CPA3: variants seen among roughly 807,000 people sequenced by gnomAD.
CPA3 encodes carboxypeptidase A3, also known as mast cell carboxypeptidase A.
CPA3 carries 52 observed loss-of-function variants against 55.8 expected under a neutral mutation model. That is an observed-to-expected ratio of 0.93 (90% confidence interval 0.75 to 1.17). CPA3 has a LOEUF of 1.17. Ranked by LOEUF, CPA3 falls within the 50% of genes most tolerant of loss-of-function variation. CPA3 has a pLI of 0.00. For missense variants in CPA3, 547 were observed against 509.1 expected, an observed-to-expected ratio of 1.07 and a Z score of -0.72; for synonymous variants, 179 against 171.2, an observed-to-expected ratio of 1.05 and a Z score of -0.36.
In CPA3 at chr3:148,892,761, T is replaced by C. The variant is rs142397132; in HGVS notation, c.1067-3759T>C. ...GGGAGGCCGAGGTAGGCAGATTGCC[T>C]GAGGTCAGGAGTTCAAGACCAGCCT... On this transcript the variant is annotated intron_variant, in intron 10 of 10. Transcript: ENST00000296046. Among the ~76,000 whole-genome samples the C allele has an allele frequency of 9.1e-3, 1,380 of 152,236 alleles. 27 individuals are homozygous for C. Among genetic ancestry groups the C allele is most frequent in the African/African-American group, 0.032 (1,330 of 41,536 alleles).
At chr3:148,888,638 C>T (rs541276030) in intron 10 of CPA3, among the ~76,000 whole-genome samples, 1 of 152,338 alleles carries the variant, frequency 6.6e-6, no homozygotes, top group East Asian at 1.9e-4. Flanking sequence ...CACCCAGACA[C>T]CACATGAGAG....
intron 5 of CPA3, among the ~76,000 whole-genome samples, chr3:148,879,045 C>T (rs931386562): frequency 6.6e-5 from 10 of 152,122 alleles, no homozygotes; most frequent in African/African-American, 9.7e-5. Context: ...AACCCTCATC[C>T]CTTAAAATGC....
chr3:148,881,385 T>G (rs965328064), intron 6 of CPA3, 137 bp from the exon 7 acceptor site: 30 of 584,164 alleles, frequency 5.1e-5, no homozygotes, highest in Non-Finnish European at 8.2e-5. Context: ...TTGTTTATTT[T>G]TGTTCATTTT....
At chr3:148,891,123 C>T (rs1219508767) in intron 10 of CPA3, among the ~76,000 whole-genome samples, 1 of 152,004 alleles carries the variant, frequency 6.6e-6, no homozygotes, top group Non-Finnish European at 1.5e-5. Context: ...TCTCTCTGAG[C>T]CTAGGTTTCT....
chr3:148,878,515 G>A lies in CPA3; in HGVS notation c.344G>A (p.Ser115Asn). The A allele has an allele frequency of 6.2e-7, 1 of 1,613,254 alleles. No individual in the cohort carries two copies. Among genetic ancestry groups the A allele is most frequent in the South Asian group, 1.1e-5 (1 of 91,012 alleles). The change falls in exon 4 of 11, where the codon AGC (serine) becomes AAC (asparagine). Residue 115 changes from serine to asparagine, a missense_variant. Physicochemically the swap from Ser to Asn is conservative, Grantham distance 46 (BLOSUM62 1). Coordinates refer to ENST00000296046, the MANE Select transcript of CPA3 (RefSeq NM_001870.4). ...AAAGAAGATATCCCAGGCAGGCACA[G>A]CTACGCAAAATACAATAATTGGGAA... is the stretch of plus-strand genomic sequence containing the variant. The part of the protein sequence containing the change: ...DVKEDIPGRH[S>N]YAKYNNWEKI...
At chr3:148,892,106 T>TC (rs1431882635) in intron 10 of CPA3, among the ~76,000 whole-genome samples, 2 of 152,220 alleles carry the variant, frequency 1.3e-5, no homozygotes, top group Admixed American at 6.5e-5. Flanking sequence ...TTCTTCCTCC[T>TC]CCTCCTTTTT....
chr3:148,865,798 T>C (rs1713886314), intron 2 of CPA3, among the ~76,000 whole-genome samples: 1 of 152,226 alleles, frequency 6.6e-6, no homozygotes, highest in Non-Finnish European at 1.5e-5. Flanking sequence ...GGTAAAACTA[T>C]GAAATCAGGA....
chr3:148,876,522 G>A (rs976864557), intron 3 of CPA3, among the ~76,000 whole-genome samples: 1 of 151,878 alleles, frequency 6.6e-6, no homozygotes, highest in Non-Finnish European at 1.5e-5. Flanking sequence ...GACTACAGGT[G>A]CCCACTACCA....
At chr3:148,876,729 A>G (rs1339324250) in intron 3 of CPA3, among the ~76,000 whole-genome samples, 4 of 152,348 alleles carry the variant, frequency 2.6e-5, no homozygotes, top group East Asian at 3.9e-4. Flanking sequence ...GAAAAAAAGA[A>G]TAAGATACAT....
chr3:148,882,475 TGTAAACACTTAC>T lies in CPA3; in HGVS notation c.688-27_688-16del. Reference sequence around the variant, plus strand: ...AATTGAAAAATGCAAACTGATCTTGTGTAAACACTTACGTCATTCAATCTGGCAGAACCGCAT... The same window carrying T: ...AATTGAAAAATGCAAACTGATCTTGTGTCATTCAATCTGGCAGAACCGCAT... On this transcript the variant is annotated intron_variant, in intron 7 of 10. Transcript: ENST00000296046. The T allele has an allele frequency of 6.3e-7, 1 of 1,583,176 alleles. No individual in the cohort carries two copies. The highest frequency in any genetic ancestry group is 1.1e-5 in the South Asian group (1 of 90,066).
chr3:148,885,118 T>G (rs553169582), intron 9 of CPA3, among the ~76,000 whole-genome samples: 1 of 152,186 alleles, frequency 6.6e-6, no homozygotes, highest in South Asian at 2.1e-4. Flanking sequence ...AATTAACAAC[T>G]ATTTTAAAAA....
intron 3 of CPA3, among the ~76,000 whole-genome samples, chr3:148,874,619 T>C (rs1327936132): frequency 2.0e-5 from 3 of 152,186 alleles, no homozygotes; most frequent in African/African-American, 7.2e-5. Flanking sequence ...AATGATGTGC[T>C]TGTCAGTGCT....
Position 148,896,651 on chromosome 3 carries a change from G to A in CPA3, c.1198G>A (p.Glu400Lys). 6.3e-7 allele frequency: 1 copy of A among 1,579,316 alleles called. No homozygotes were observed. The highest frequency in any genetic ancestry group is 8.7e-7 in the Non-Finnish European group (1 of 1,153,692). ...ATCCCGGATAAAGCCAACGTGCAGA[G>A]AGACCATGCTAGCTGTCAAATTTAT... is the stretch of plus-strand genomic sequence containing the variant. Reference protein sequence around the residue: ...PESRIKPTCRETMLAVKFIAK... With the variant: ...PESRIKPTCRKTMLAVKFIAK... The change falls in exon 11 of 11, where the codon GAG (glutamate) becomes AAG (lysine). Residue 400 changes from glutamate (E) to lysine (K), a missense_variant. Glu to Lys is a moderately conservative substitution (Grantham distance 56). Transcript: ENST00000296046.
At position 148,865,564 on chromosome 3, in the gene CPA3, G is replaced by A. The variant is rs1434686159; in HGVS notation, c.144+16G>A. ...AACCAATGAGGTAAGCATTTAGAGG[G>A]ATATTTTATCTTTTCTTACTGTTCT... On this transcript the variant is annotated intron_variant, in intron 2 of 10. Coordinates refer to ENST00000296046, the MANE Select transcript of CPA3 (RefSeq NM_001870.4). 6.2e-7 allele frequency: 1 copy of A among 1,603,572 alleles called. No homozygotes were observed. Among genetic ancestry groups the A allele is most frequent in the African/African-American group, 1.3e-5 (1 of 74,404 alleles).
At position 148,879,881 on chromosome 3, in the gene CPA3, G is replaced by T. The variant is rs766399483; in HGVS notation, c.568G>T (p.Val190Phe). Reference protein sequence around the residue: ...WVSPAFCQWFVYQATKTYGRN... With the variant: ...WVSPAFCQWFFYQATKTYGRN... ...CTCCCCAGCATTCTGCCAGTGGTTT[G>T]TCTATCAGGTAAGTGAATCAGAAGA... Residue 190 changes from valine (V) to phenylalanine (F), a missense_variant, in exon 6 of 11, where the codon GTC (valine) becomes TTC (phenylalanine). Val to Phe is a conservative substitution (Grantham distance 50, BLOSUM62 -1). Coordinates refer to ENST00000296046, the MANE Select transcript of CPA3 (RefSeq NM_001870.4). 2.5e-6 allele frequency: 4 copies of T among 1,610,048 alleles called. No homozygotes were observed. In the Admixed American group the frequency reaches 5.0e-5, roughly 20 times the overall value.
chr3:148,881,799 G>C (rs771342403), intron 7 of CPA3, among the ~76,000 whole-genome samples, 167 bp downstream of exon 7: 4 of 152,060 alleles, frequency 2.6e-5, no homozygotes, highest in Non-Finnish European at 4.4e-5. Context: ...GGTTGCATAG[G>C]TATCCTTGAA....
chr3:148,873,381 A>G (rs991293442), intron 3 of CPA3, among the ~76,000 whole-genome samples: 17 of 146,826 alleles, frequency 1.2e-4, no homozygotes, highest in African/African-American at 4.3e-4. Flanking sequence ...ACACGCGCAC[A>G]CACACACACA....
Position 148,886,120 on chromosome 3 carries a change from G to A in CPA3, c.1009G>A (p.Val337Ile). Residue 337 changes from valine (V) to isoleucine (I), a missense_variant, in exon 10 of 11, where the codon GTT becomes ATT. Transcript: ENST00000296046. ...LAKVAKIGTD[V>I]LSTRYETRYI... Reference sequence around the variant, plus strand: ...CAAAGTTGCAAAGATTGGCACTGATGTTCTATCAACTCGATATGAAACCCG... The same window carrying A: ...CAAAGTTGCAAAGATTGGCACTGATATTCTATCAACTCGATATGAAACCCG... 6.2e-7 allele frequency: 1 copy of A among 1,613,606 alleles called. No homozygotes were observed. The highest frequency in any genetic ancestry group is 8.5e-7 in the Non-Finnish European group (1 of 1,179,794).
chr3:148,892,164 A>T (rs911814564), intron 10 of CPA3, among the ~76,000 whole-genome samples: 1 of 152,136 alleles, frequency 6.6e-6, no homozygotes, highest in African/African-American at 2.4e-5. Context: ...TTTCCAAAAA[A>T]TAGGGTACAA....
Sources: gnomAD v4.1 joint callset for allele counts (sites outside exome capture counted in the v4.1 genomes callset) on GRCh38, gnomAD v4.1.1 for gene constraint, MANE v1.5 for transcripts, NCBI Gene and HGNC (gene_info 2026-07-23, HGNC 2026-07-21) for gene names.